Variants in PLCB1 observed in about 807,000 individuals in gnomAD.
The protein encoded by PLCB1 is 1-phosphatidylinositol 4,5-bisphosphate phosphodiesterase beta-1.
In PLCB1, 46 loss-of-function variants were observed where a neutral mutation model predicts 161.8. The observed-to-expected ratio is 0.28, with a 90% CI of 0.22 to 0.36. PLCB1 has a LOEUF of 0.36. Ranked by LOEUF, PLCB1 falls within the 10% of genes least tolerant of loss-of-function variation. The pLI is 1.00. For missense variants in PLCB1, 1,016 were observed against 1,472.5 expected, an observed-to-expected ratio of 0.69 and a Z score of 5.07; for synonymous variants, 517 against 503.7, an observed-to-expected ratio of 1.03 and a Z score of -0.35.
At chr20:8,163,631 C>T (rs1020007770) in intron 2 of PLCB1, among the ~76,000 whole-genome samples, 1 of 152,166 alleles carries the variant, frequency 6.6e-6, no homozygotes, top group African/African-American at 2.4e-5. Flanking sequence ...TAAAAATCTG[C>T]AGGTTCATAT....
At chr20:8,279,331 C>G (rs1322046142) in intron 2 of PLCB1, among the ~76,000 whole-genome samples, 1 of 152,118 alleles carries the variant, frequency 6.6e-6, no homozygotes, top group African/African-American at 2.4e-5. Context: ...TCCTAGAAGA[C>G]AGATGAAGCT....
intron 31 of PLCB1, among the ~76,000 whole-genome samples, chr20:8,794,378 T>TA (rs1983915383): frequency 6.6e-6 from 1 of 152,226 alleles, no homozygotes; most frequent in East Asian, 1.9e-4. Flanking sequence ...GGGGAACTAA[T>TA]AAATGTCCAT....
Position 8,697,787 on chromosome 20 carries a change from G to A in PLCB1, c.1167+4G>A. The A allele has an allele frequency of 6.2e-7, 1 of 1,613,950 alleles. No homozygotes were observed. The highest frequency in any genetic ancestry group is 1.7e-5 in the Admixed American group (1 of 60,016). On this transcript the variant is annotated splice_donor_region_variant and intron_variant, in intron 11 of 31. Coordinates refer to ENST00000338037, the MANE Select transcript of PLCB1 (RefSeq NM_015192.4). ...GACAACTGAAATATCTTTCAAGGTA[G>A]AGTATATGAATGTTACTAAGAGAGG... is the stretch of plus-strand genomic sequence containing the variant.
chr20:8,421,899 G>A lies in PLCB1; in HGVS notation c.246+50449G>A, dbSNP rs149147093. Among the ~76,000 whole-genome samples the A allele has an allele frequency of 3.7e-3, 568 of 152,314 alleles. 2 individuals are homozygous for A. The highest frequency in any genetic ancestry group is 6.8e-3 in the Middle Eastern group (2 of 294). ...TGCATGCTGAAGTTTGAGAAGCACAGGCTCAGTATTCCTTCTGACTCACCA... is the reference window on the plus strand; with the variant it reads ...TGCATGCTGAAGTTTGAGAAGCACAAGCTCAGTATTCCTTCTGACTCACCA... On this transcript the variant is annotated intron_variant, in intron 3 of 31. Transcript: ENST00000338037.
At chr20:8,611,833 C>T (rs1384500858) in intron 3 of PLCB1, among the ~76,000 whole-genome samples, 1 of 152,066 alleles carries the variant, frequency 6.6e-6, no homozygotes, top group Non-Finnish European at 1.5e-5. Context: ...GCAGTCCTAG[C>T]TACTCGGGAG....
chr20:8,726,543 A>G (rs1416208237), intron 16 of PLCB1, among the ~76,000 whole-genome samples: 1 of 152,130 alleles, frequency 6.6e-6, no homozygotes, highest in Admixed American at 6.6e-5. Context: ...ACAGGGCAGC[A>G]GGAGAGAGAA....
intron 3 of PLCB1, among the ~76,000 whole-genome samples, chr20:8,482,804 A>G (rs1982561047): frequency 2.0e-5 from 3 of 152,206 alleles, no homozygotes; most frequent in African/African-American, 7.2e-5. Flanking sequence ...TTGAAAACTT[A>G]TGCTCAAAAC....
At chr20:8,234,822 T>C (rs1055962214) in intron 2 of PLCB1, among the ~76,000 whole-genome samples, 1 of 152,114 alleles carries the variant, frequency 6.6e-6, no homozygotes. Flanking sequence ...CAAGAGACAG[T>C]GTGAGTGAAT....
chr20:8,431,687 T>G (rs1980049338), intron 3 of PLCB1, among the ~76,000 whole-genome samples: 1 of 152,224 alleles, frequency 6.6e-6, no homozygotes, highest in South Asian at 2.1e-4. Flanking sequence ...GGTTTCTGTA[T>G]GTGTACACAT....
At chr20:8,655,587 G>A (rs1212075992) in intron 7 of PLCB1, among the ~76,000 whole-genome samples, 1 of 152,048 alleles carries the variant, frequency 6.6e-6, no homozygotes, top group Non-Finnish European at 1.5e-5. Flanking sequence ...GAAAAGAGAG[G>A]TCAGTAAGTG....
chr20:8,430,602 C>T (rs944499462), intron 3 of PLCB1, among the ~76,000 whole-genome samples: 1 of 152,126 alleles, frequency 6.6e-6, no homozygotes, highest in Non-Finnish European at 1.5e-5. Flanking sequence ...AAAGAATAGG[C>T]CAACCTAACT....
chr20:8,586,056 C>T (rs1376556269), intron 3 of PLCB1, among the ~76,000 whole-genome samples: 1 of 152,192 alleles, frequency 6.6e-6, no homozygotes, highest in Non-Finnish European at 1.5e-5. Flanking sequence ...GCATGCAGAG[C>T]TGAGTGGATA....
intron 2 of PLCB1, among the ~76,000 whole-genome samples, chr20:8,230,836 T>C (rs1022303899): frequency 3.3e-5 from 5 of 152,128 alleles, no homozygotes; most frequent in African/African-American, 9.7e-5. Context: ...ATTTAGACTC[T>C]AGTTTAACAT....
chr20:8,571,505 T>TA (rs916101983), intron 3 of PLCB1, among the ~76,000 whole-genome samples: 2 of 151,924 alleles, frequency 1.3e-5, no homozygotes, highest in Non-Finnish European at 2.9e-5. Flanking sequence ...AAATAAAAAA[T>TA]AAAGGATCTG....
chr20:8,859,083 C>T (rs1440402974), intron 31 of PLCB1, among the ~76,000 whole-genome samples: 1 of 152,146 alleles, frequency 6.6e-6, no homozygotes, highest in Non-Finnish European at 1.5e-5. Flanking sequence ...TGGTGGCCTG[C>T]TACCTCTTTG....
chr20:8,709,139 C>T (rs1008659757), intron 12 of PLCB1, among the ~76,000 whole-genome samples: 1 of 152,134 alleles, frequency 6.6e-6, no homozygotes, highest in African/African-American at 2.4e-5. Flanking sequence ...CACTTTGTGG[C>T]AGGTGGGGGG....
At chr20:8,714,713 C>T (rs74558889) in intron 12 of PLCB1, among the ~76,000 whole-genome samples, 1,803 of 152,270 alleles carry the variant, frequency 0.012, 20 homozygotes, top group South Asian at 0.02. Flanking sequence ...AGAAGGGGCA[C>T]GGTTGCTGTG....
At chr20:8,494,676 T>C (rs956370945) in intron 3 of PLCB1, among the ~76,000 whole-genome samples, 22 of 151,918 alleles carry the variant, frequency 1.4e-4, no homozygotes, top group Admixed American at 1.1e-3. Flanking sequence ...TCTACTTCTT[T>C]CTTCTTGCTC....
At chr20:8,504,421 G>T (rs1983544940) in intron 3 of PLCB1, among the ~76,000 whole-genome samples, 2 of 152,068 alleles carry the variant, frequency 1.3e-5, no homozygotes, top group Admixed American at 1.3e-4. Context: ...AAAAATAATG[G>T]TAAATAGCAC....
Sources: allele counts gnomAD v4.1 joint callset (sites outside exome capture counted in the v4.1 genomes callset), GRCh38; gene constraint gnomAD v4.1.1; transcripts MANE v1.5; gene names NCBI Gene and HGNC (gene_info 2026-07-23, HGNC 2026-07-21).